Variants in CFAP97 observed in about 807,000 individuals in gnomAD.
CFAP97 encodes the protein cilia and flagella associated protein 97.
A neutral mutation model predicts 43.1 loss-of-function variants in CFAP97; 36 were observed. That is an observed-to-expected ratio of 0.84 (90% CI 0.64 to 1.10). The LOEUF is 1.10. CFAP97 is among the 50% of genes least tolerant of loss of function. CFAP97 has a pLI of 0.00. For synonymous variants in CFAP97, 228 were observed against 225.7 expected, an observed-to-expected ratio of 1.01 and a Z score of -0.09; for missense variants, 657 against 620.3, an observed-to-expected ratio of 1.06 and a Z score of -0.63.
intron 3 of CFAP97, chr4:185,169,595 AG>A: frequency 1.0e-6 from 1 of 980,776 alleles, no homozygotes; most frequent in Non-Finnish European, 1.2e-6. Flanking sequence ...TTTTATATCC[AG>A]GAATTATTCT....
In CFAP97 at chr4:185,161,214, A is replaced by G. The variant is rs1473528708; in HGVS notation, c.*1584T>C. 1 of 152,242 alleles carries G rather than the reference A, an allele frequency of 6.6e-6. No individual in the cohort carries two copies. The highest frequency in any genetic ancestry group is 2.4e-5 in the African/African-American group (1 of 41,460). The allele number at this position is 152,242 out of a possible 1,614,324, so 9.4% of individuals were successfully genotyped here. A position where few individuals can be genotyped will look rare whatever the true frequency, so the allele number is the denominator to read the frequency against. ...CATTGAATGAAAATTATGGCCCCCA[A>G]AAGCAGAACCTCAAAGCCAGGTTGT... is the stretch of plus-strand genomic sequence containing the variant. On this transcript the variant is annotated 3_prime_UTR_variant, in exon 5 of 5. Transcript: ENST00000458385.
chr4:185,181,033 G>A (rs994303983), intron 2 of CFAP97, among the ~76,000 whole-genome samples: 1 of 152,082 alleles, frequency 6.6e-6, no homozygotes, highest in Admixed American at 6.5e-5. Flanking sequence ...TCAGCGAGTG[G>A]CAGAGTTTGT....
intron 2 of CFAP97, among the ~76,000 whole-genome samples, chr4:185,186,584 T>A (rs1736014187): frequency 6.6e-6 from 1 of 152,342 alleles, no homozygotes; most frequent in African/African-American, 2.4e-5. Context: ...ATATAGATTA[T>A]AATAGATTAT....
At chr4:185,203,489 A>G (rs1737009434) in intron 1 of CFAP97, among the ~76,000 whole-genome samples, 1 of 152,190 alleles carries the variant, frequency 6.6e-6, no homozygotes, top group African/African-American at 2.4e-5. Flanking sequence ...CAGGAACGCT[A>G]GGCTCTTGTC....
upstream of CFAP97, chr4:185,210,015 G>A (rs1303856706): frequency 1.7e-5 from 17 of 983,832 alleles, no homozygotes; most frequent in African/African-American, 3.5e-5. This position sits in a 1 kb window ranked among gnomAD's most constrained non-coding sequence, Gnocchi z 4.4. Flanking sequence ...CCGTGGCGGT[G>A]GCCGCACTCG....
chr4:185,176,108 G>GTTTTTT, intron 2 of CFAP97, 57 bp from the exon 3 acceptor site: 3 of 1,215,632 alleles, frequency 2.5e-6, no homozygotes, highest in Non-Finnish European at 3.2e-6. Context: ...TGTGGTACAT[G>GTTTTTT]CTTTTTTTTT....
At chr4:185,201,600 T>C (rs1225047929) in intron 1 of CFAP97, among the ~76,000 whole-genome samples, 10 of 152,206 alleles carry the variant, frequency 6.6e-5, no homozygotes, top group Admixed American at 6.5e-4. Context: ...ATAAATTATT[T>C]TTTAGATAAC....
At chr4:185,173,806 G>GTAGTT (rs889723607) in intron 3 of CFAP97, among the ~76,000 whole-genome samples, 5 of 152,150 alleles carry the variant, frequency 3.3e-5, no homozygotes, top group Non-Finnish European at 5.9e-5. Flanking sequence ...GAAATAGATG[G>GTAGTT]TAGTGACAGT....
intron 2 of CFAP97, among the ~76,000 whole-genome samples, chr4:185,177,813 C>T (rs879728929): frequency 2.6e-5 from 4 of 151,794 alleles, no homozygotes; most frequent in Non-Finnish European, 2.9e-5. Flanking sequence ...CCAGCCTGGG[C>T]GACAGAGCAA....
chr4:185,169,862 G>T, intron 3 of CFAP97: 1 of 985,796 alleles, frequency 1.0e-6, no homozygotes, highest in Non-Finnish European at 1.2e-6. Flanking sequence ...TTCAACGGAA[G>T]GAGATAACAG....
chr4:185,209,739 A>G (rs1324471634), upstream of CFAP97: 1 of 983,714 alleles, frequency 1.0e-6, no homozygotes, highest in African/African-American at 1.8e-5. This position sits in a 1 kb window ranked among gnomAD's most constrained non-coding sequence, Gnocchi z 5.2. Flanking sequence ...CGGGCGAGGC[A>G]TGAGCGCGGG....
At position 185,175,762 on chromosome 4, in the gene CFAP97, T is replaced by A. The variant is rs945000520; in HGVS notation, c.1320+24A>T. 3 of 1,602,218 alleles carry A rather than the reference T, an allele frequency of 1.9e-6. No homozygotes were observed. In the African/African-American group the frequency reaches 4.0e-5, roughly 22 times the overall value. On this transcript the variant is annotated intron_variant, in intron 3 of 4. Coordinates refer to ENST00000458385, the MANE Select transcript of CFAP97 (RefSeq NM_020827.3). ...ATCAGTGCAAACACATTTTCTTTGATGACTAATTATTTCAGTTACTTACCA... is the reference window on the plus strand; with the variant it reads ...ATCAGTGCAAACACATTTTCTTTGAAGACTAATTATTTCAGTTACTTACCA...
intron 1 of CFAP97, among the ~76,000 whole-genome samples, chr4:185,192,102 G>A (rs1332584442): frequency 6.6e-6 from 1 of 152,188 alleles, no homozygotes; most frequent in East Asian, 1.9e-4. Context: ...CTTTACTGCA[G>A]TTAGGAAGGA....
At position 185,191,063 on chromosome 4, in the gene CFAP97, T is replaced by C. The variant is rs1736230955; in HGVS notation, c.134A>G (p.Asp45Gly). 1.2e-6 allele frequency: 2 copies of C among 1,613,352 alleles called. No individual in the cohort carries two copies. Among genetic ancestry groups the C allele is most frequent in the African/African-American group, 1.3e-5 (1 of 74,920 alleles). ...KQNDDPKERI[D>G]KDTKNVNSNT... is the part of the protein sequence containing the mutation. The stretch of plus-strand genomic sequence containing the variant: ...CGAATTTACATTTTTTGTATCTTTA[T>C]CTATTCTTTCCTTTGGGTCATCATT... Residue 45 changes from aspartate (D) to glycine (G), a missense_variant, in exon 2 of 5, where the codon GAT becomes GGT. Asp to Gly is a moderately conservative substitution (Grantham distance 94). Coordinates refer to ENST00000458385, the MANE Select transcript of CFAP97 (RefSeq NM_020827.3).
At position 185,162,070 on chromosome 4, in the gene CFAP97, A is replaced by G. The variant is rs1269019424; in HGVS notation, c.*728T>C. ...AGCTCTAAAACCTACCTCATTTCTA[A>G]GAGTCATAAATAGGACTTTACCTGA... is the stretch of plus-strand genomic sequence containing the variant. On this transcript the variant is annotated 3_prime_UTR_variant, in exon 5 of 5. Transcript: ENST00000458385. The G allele has an allele frequency of 6.6e-6, 1 of 152,244 alleles. No homozygotes were observed. The highest frequency in any genetic ancestry group is 1.5e-5 in the Non-Finnish European group (1 of 68,050). 9.4% of individuals were successfully genotyped at this position (152,244 alleles called of 1,614,324 possible). A position where few individuals can be genotyped will look rare whatever the true frequency, so the allele number is the denominator to read the frequency against.
At chr4:185,188,018 T>C (rs1159892546) in intron 2 of CFAP97, among the ~76,000 whole-genome samples, 1 of 151,950 alleles carries the variant, frequency 6.6e-6, no homozygotes, top group Non-Finnish European at 1.5e-5. Context: ...TGCCTCAGCC[T>C]CCTGAGTAGC....
Position 185,197,874 on chromosome 4 carries a change from G to C in CFAP97, c.-17+6024C>G, listed in dbSNP as rs1455451463. On this transcript the variant is annotated intron_variant, in intron 1 of 4. Transcript: ENST00000458385. ...GCCAAAAGCTAGGCCTCTTGCACCA[G>C]TTAGCCAAGTTGTGAAAGCAAAGGA... Among the ~76,000 whole-genome samples, 3 of 152,188 alleles carry C rather than the reference G, an allele frequency of 2.0e-5. No individual in the cohort carries two copies. In the East Asian group the frequency reaches 5.8e-4, roughly 29 times the overall value.
In CFAP97 at chr4:185,175,945, G is replaced by A. The variant is rs74754445; in HGVS notation, c.1161C>T (p.Ile387=). The change falls in exon 3 of 5, where the codon ATC becomes ATT. Residue 387 remains isoleucine, a synonymous_variant. Coordinates refer to ENST00000458385, the MANE Select transcript of CFAP97 (RefSeq NM_020827.3). ...TCAAAAGCCTCTGATTTTCCCGATC[G>A]ATCTGTCTCACCTCTTCTCTTGTGA... is the stretch of plus-strand genomic sequence containing the variant. The part of the protein sequence containing the change: ...YSFTREEVRQ[I]DRENQRLLKE... 7,248 of 1,613,656 alleles carry A rather than the reference G, an allele frequency of 4.5e-3. 236 individuals are homozygous for A. The South Asian group carries it at 0.056, about 12-fold the overall frequency.
chr4:185,162,638 TGACAATAA>T lies in CFAP97; in HGVS notation c.*152_*159del. 3 of 731,546 alleles carry T rather than the reference TGACAATAA, an allele frequency of 4.1e-6. No homozygotes were observed. Among genetic ancestry groups the T allele is most frequent in the African/African-American group, 3.6e-5 (2 of 55,000 alleles). The allele number at this position is 731,546 out of a possible 1,614,324, so 45.3% of individuals were successfully genotyped here. A position where few individuals can be genotyped will look rare whatever the true frequency, so the allele number is the denominator to read the frequency against. ...ACACTTTTTACATTAAATCGTTTTT[TGACAATAA>T]TTTTGCACTGAATAACAATACATTA... On this transcript the variant is annotated 3_prime_UTR_variant, in exon 5 of 5. Transcript: ENST00000458385.
Sources: allele counts gnomAD v4.1 joint callset (sites outside exome capture counted in the v4.1 genomes callset), GRCh38; gene constraint gnomAD v4.1.1; non-coding constraint Gnocchi (gnomAD v3.1); transcripts MANE v1.5; gene names NCBI Gene and HGNC (gene_info 2026-07-23, HGNC 2026-07-21).